ZNF81: variants seen among roughly 807,000 people sequenced by gnomAD.
ZNF81 encodes zinc finger protein 81.
A neutral mutation model predicts 32.3 loss-of-function variants in ZNF81; 5 were observed. That is an observed-to-expected ratio of 0.15 (90% CI 0.08 to 0.33). The LOEUF (loss-of-function observed/expected upper bound fraction) is 0.33, where lower values mean the gene tolerates loss of function less well. Among genes scored for constraint, ZNF81 ranks in the 10% least tolerant of loss-of-function variants. The pLI is 1.00. For synonymous variants in ZNF81, 163 were observed against 166.8 expected (o/e 0.98, Z 0.17); for missense variants, 379 against 479.8 (o/e 0.79, Z 1.96).
chrX:47,883,656 C>A (rs988660470), intron 2 of ZNF81, among the ~76,000 whole-genome samples: 1 of 112,244 alleles, frequency 8.9e-6, no homozygotes, highest in Non-Finnish European at 1.9e-5. Flanking sequence ...TTTGGTCCTT[C>A]ATTTTCTATT....
At chrX:47,850,991 G>A (rs943185920) in intron 2 of ZNF81, among the ~76,000 whole-genome samples, 65 of 108,498 alleles carry the variant, frequency 6.0e-4, no homozygotes, top group Middle Eastern at 4.8e-3. Context: ...AAAATTTCCA[G>A]CACTTGCTTT....
rs374414966 is a variant in ZNF81, at chrX:47,846,261, C to T, written c.-7C>T. 2.1e-5 allele frequency: 25 copies of T among 1,206,584 alleles called. No homozygotes were observed. Among genetic ancestry groups the T allele is most frequent in the Non-Finnish European group, 2.6e-5 (23 of 894,242 alleles). On this transcript the variant is annotated 5_prime_UTR_variant, in exon 2 of 5. Coordinates refer to ENST00000338637, the MANE Select transcript of ZNF81 (RefSeq NM_007137.5). ...CCCCAGGGCTGAAGTCCAAGTCCGT[C>T]GGGAACATGCCAGCTAACGAGGACG...
At chrX:47,848,332 C>T (rs782320040) in intron 2 of ZNF81, among the ~76,000 whole-genome samples, 3 of 112,014 alleles carry the variant, frequency 2.7e-5, no homozygotes, top group African/African-American at 6.5e-5. Context: ...GTTGTCGATG[C>T]TCCTTTGTAA....
chrX:47,865,954 A>G (rs2058558471), intron 2 of ZNF81, among the ~76,000 whole-genome samples: 1 of 111,892 alleles, frequency 8.9e-6, no homozygotes, highest in African/African-American at 3.3e-5. Context: ...AACCAAGAAG[A>G]CTGATCTCTA....
At chrX:47,846,940 A>G (rs2058473234) in intron 2 of ZNF81, among the ~76,000 whole-genome samples, 1 of 111,815 alleles carries the variant, frequency 8.9e-6, no homozygotes, top group African/African-American at 3.3e-5. Context: ...CATGGTATCT[A>G]TGCTGTGATG....
In ZNF81 at chrX:47,924,185, T is replaced by A. The variant is rs1274325471; in HGVS notation, c.*7553T>A. ...GCTACCTCTATAAATTGTGCATGCA[T>A]CCCTTATTCCATAATGCTCATAGTT... is the stretch of plus-strand genomic sequence containing the variant. On this transcript the variant is annotated 3_prime_UTR_variant, in exon 5 of 5. Coordinates refer to ENST00000338637, the MANE Select transcript of ZNF81 (RefSeq NM_007137.5). Among the ~76,000 whole-genome samples, 1 of 112,251 alleles carries A rather than the reference T, an allele frequency of 8.9e-6. No individual in the cohort carries two copies. Among genetic ancestry groups the A allele is most frequent in the East Asian group, 2.8e-4 (1 of 3,607 alleles).
intron 4 of ZNF81, among the ~76,000 whole-genome samples, chrX:47,908,318 C>T (rs1156389010): frequency 9.0e-6 from 1 of 110,762 alleles, no homozygotes; most frequent in Non-Finnish European, 1.9e-5. Context: ...AAATTAAAAC[C>T]ACAATGTGGC....
intron 2 of ZNF81, among the ~76,000 whole-genome samples, chrX:47,868,669 A>T (rs1288076994): frequency 9.0e-6 from 1 of 111,122 alleles, no homozygotes; most frequent in Non-Finnish European, 1.9e-5. Context: ...TATGTTTATT[A>T]TTCAAAGTCT....
At chrX:47,910,655 A>G (rs146715622) in intron 4 of ZNF81, among the ~76,000 whole-genome samples, 1,213 of 112,172 alleles carry the variant, frequency 0.011, 10 homozygotes, top group Middle Eastern at 0.032. Context: ...TAAGGTTTTT[A>G]TTTGTATTCT....
intron 2 of ZNF81, among the ~76,000 whole-genome samples, chrX:47,872,598 C>T (rs2058584624): frequency 8.9e-6 from 1 of 111,827 alleles, no homozygotes; most frequent in Non-Finnish European, 1.9e-5. Context: ...CAGACAATGG[C>T]ACTGAAGTCA....
intron 2 of ZNF81, among the ~76,000 whole-genome samples, chrX:47,851,801 T>C (rs1451281458): frequency 1.8e-5 from 2 of 112,753 alleles, no homozygotes; most frequent in Non-Finnish European, 3.7e-5. Context: ...TTCTGTTTAA[T>C]ACTTAATTGT....
At chrX:47,869,422 C>CA (rs1242956205) in intron 2 of ZNF81, among the ~76,000 whole-genome samples, 7 of 110,112 alleles carry the variant, frequency 6.4e-5, no homozygotes, top group East Asian at 2.8e-4. Flanking sequence ...ACTGGGAGTA[C>CA]AAAAAAAAGC....
intron 2 of ZNF81, among the ~76,000 whole-genome samples, chrX:47,878,026 G>A (rs2058606640): frequency 9.0e-6 from 1 of 111,226 alleles, no homozygotes; most frequent in African/African-American, 3.3e-5. Flanking sequence ...TTTTCCTGTT[G>A]CTTCTGAAGG....
At chrX:47,903,590 G>GC (rs1465553139) in intron 4 of ZNF81, among the ~76,000 whole-genome samples, 2 of 87,777 alleles carry the variant, frequency 2.3e-5, no homozygotes, top group African/African-American at 4.0e-5. Context: ...AAGATTCCAT[G>GC]CTCATGGGTG....
Position 47,907,268 on chromosome X carries a change from G to A in ZNF81, c.278-7656G>A, listed in dbSNP as rs1032886757. Among the ~76,000 whole-genome samples, 5 of 93,139 alleles carry A rather than the reference G, an allele frequency of 5.4e-5. No homozygotes were observed. The South Asian group carries it at 2.9e-3, about 54-fold the overall frequency. 80.9% of individuals were successfully genotyped at this position (93,139 alleles called of 115,157 possible). A position where few individuals can be genotyped will look rare whatever the true frequency, so the allele number is the denominator to read the frequency against. On this transcript the variant is annotated intron_variant, in intron 4 of 4. Transcript: ENST00000338637. ...GCCATTTCTGTAACTGCCCAGAAGG[G>A]TGACAGATTTCTGAAGGGGAAAGGA...
At chrX:47,914,437 T>C (rs2058749362) in intron 4 of ZNF81, among the ~76,000 whole-genome samples, 1 of 112,247 alleles carries the variant, frequency 8.9e-6, no homozygotes, top group Admixed American at 9.4e-5. Flanking sequence ...TATTGCTGCG[T>C]TGTAGTGCAA....
chrX:47,885,544 G>T (rs1211896473), intron 2 of ZNF81, among the ~76,000 whole-genome samples: 1 of 111,341 alleles, frequency 9.0e-6, no homozygotes, highest in African/African-American at 3.3e-5. Context: ...CACAATTCTG[G>T]AGGCTGAGAA....
intron 2 of ZNF81, 147 bp from the exon 3 acceptor site, chrX:47,887,852 A>T (rs1307475691): frequency 1.8e-6 from 1 of 557,863 alleles, no homozygotes; most frequent in Non-Finnish European, 2.8e-6. Context: ...ACAATATTAC[A>T]TATGTGTATA....
chrX:47,895,802 A>G (rs1188842004), intron 3 of ZNF81, 43 bp from the exon 4 acceptor site: 1 of 1,007,842 alleles, frequency 9.9e-7, no homozygotes, highest in African/African-American at 1.9e-5. Context: ...ACAAATGGAA[A>G]GCAATTTGCT....
Sources: gnomAD v4.1 joint callset for allele counts (sites outside exome capture counted in the v4.1 genomes callset) on GRCh38, gnomAD v4.1.1 for gene constraint, MANE v1.5 for transcripts, NCBI Gene and HGNC (gene_info 2026-07-23, HGNC 2026-07-21) for gene names.